The following MYH11 variants were observed in gnomAD, a reference collection of about 807,000 sequenced individuals.
MYH11 encodes myosin-11.
A neutral mutation model predicts 246.6 loss-of-function variants in MYH11; 80 were observed. The observed-to-expected ratio is 0.32, with a 90% confidence interval of 0.27 to 0.39. The LOEUF (loss-of-function observed/expected upper bound fraction) is 0.39. Ranked by LOEUF, MYH11 falls within the 10% of genes least tolerant of loss-of-function variation. MYH11 has a pLI of 1.00. For missense variants in MYH11, 2,158 were observed against 2,546.8 expected (o/e 0.85, Z 3.29); for synonymous variants, 1,071 against 1,015.5 (o/e 1.05, Z -1.04).
chr16:15,810,740 A>G (rs572686205), intron 3 of MYH11, among the ~76,000 whole-genome samples: 9 of 152,300 alleles, frequency 5.9e-5, no homozygotes, highest in African/African-American at 1.9e-4. Context: ...AATCGACAAA[A>G]ATCCAGACCT....
rs557222430 is a variant in MYH11 at position 15,795,386 on chromosome 16, C to T, written c.530+3274G>A. On this transcript the variant is annotated intron_variant, in intron 4 of 40. Transcript: ENST00000300036. ...CAGCACTTGGGAGGCCGAGGCTCCC[C>T]GGGTCACCTGAGGTCAGGAGTTCGA... Among the ~76,000 whole-genome samples, 24 of 152,060 alleles carry T rather than the reference C, an allele frequency of 1.6e-4. No individual in the cohort carries two copies. The South Asian group carries it at 3.1e-3, about 20-fold the overall frequency.
chr16:15,751,461 CCATCATCATCATCAT>C (rs377609666), intron 15 of MYH11, among the ~76,000 whole-genome samples: 6 of 150,234 alleles, frequency 4.0e-5, no homozygotes, highest in Admixed American at 6.6e-5. Flanking sequence ...CCGCGCCCGG[CCATCATCATCATCAT>C]CATCATCATC....
chr16:15,717,254 A>G lies in MYH11; in HGVS notation c.5390T>C (p.Leu1797Pro). ...RQQLERQNKE[L>P]RSKLHEMEGA... ...CTCCATCTCGTGGAGCTTGCTCCGG[A>G]GCTCCTTGTTCTGCCGCTCGAGCTG... is the stretch of plus-strand genomic sequence containing the variant. The change falls in exon 38 of 41, where the codon CTC becomes CCC. Residue 1797 changes from leucine (L) to proline (P), a missense_variant. Transcript: ENST00000300036. 2 of 1,614,062 alleles carry G rather than the reference A, an allele frequency of 1.2e-6. No individual in the cohort carries two copies. Among genetic ancestry groups the G allele is most frequent in the Non-Finnish European group, 1.7e-6 (2 of 1,180,042 alleles).
At chr16:15,720,097 G>C in intron 34 of MYH11, 54 bp downstream of exon 34, 2 of 1,612,188 alleles carry the variant, frequency 1.2e-6, no homozygotes, top group Non-Finnish European at 1.7e-6. Flanking sequence ...TCGGTGGCCT[G>C]AGGGGAACTG....
At chr16:15,741,430 T>C in intron 22 of MYH11, 33 bp downstream of exon 22, 1 of 1,601,306 alleles carries the variant, frequency 6.2e-7, no homozygotes, top group South Asian at 1.1e-5. Context: ...AGTGATTTGC[T>C]ACCCACCACG....
rs779195096 is a variant in MYH11 at position 15,747,589 on chromosome 16, G to A, written c.2392C>T (p.Arg798Cys). The A allele has an allele frequency of 1.4e-5, 23 of 1,613,962 alleles. No homozygotes were observed. Among genetic ancestry groups the A allele is most frequent in the Non-Finnish European group, 1.9e-5 (22 of 1,180,020 alleles). The change falls in exon 19 of 41, where the codon CGT becomes TGT. Residue 798 changes from arginine to cysteine, a missense_variant. This residue lies in a region of MYH11 where 90 missense variants were observed against 144.2 expected (regional missense o/e 0.62). Transcript: ENST00000300036. ...DVIMAFQAMC[R>C]GYLARKAFAK... ...CTTTACTTTCTGGCCAAGTAGCCAC[G>A]ACACATCGCCTGGAAGGCCATGATG...
intron 4 of MYH11, among the ~76,000 whole-genome samples, chr16:15,795,181 T>C (rs1408139423): frequency 1.3e-5 from 2 of 151,878 alleles, no homozygotes; most frequent in Non-Finnish European, 2.9e-5. Flanking sequence ...GATGGCATAA[T>C]ACTCGGGAAG....
chr16:15,811,526 G>A (rs902043972), intron 3 of MYH11, among the ~76,000 whole-genome samples: 1 of 152,084 alleles, frequency 6.6e-6, no homozygotes, highest in African/African-American at 2.4e-5. Flanking sequence ...GCTAGTGAGG[G>A]CCGAGCAATG....
intron 4 of MYH11, chr16:15,790,955 C>CTTTTTTTTTTTTTTT (rs770852667): frequency 5.9e-5 from 7 of 118,230 alleles, no homozygotes; most frequent in Admixed American, 1.9e-4. Flanking sequence ...TTTTTCTTTT[C>CTTTTTTTTTTTTTTT]TTTTTTTTTT....
chr16:15,721,665 G>A (rs2040492548), intron 31 of MYH11, 31 bp from the exon 32 acceptor site: 1 of 1,610,612 alleles, frequency 6.2e-7, no homozygotes, highest in African/African-American at 1.3e-5. Flanking sequence ...GTGACTTCTA[G>A]GCATATCCGG....
At chr16:15,736,520 C>A (rs570352534) in intron 25 of MYH11, among the ~76,000 whole-genome samples, 2 of 152,242 alleles carry the variant, frequency 1.3e-5, no homozygotes, top group Non-Finnish European at 2.9e-5. Flanking sequence ...CTCAAGCAAT[C>A]CCCCCACCTC....
chr16:15,798,969 G>C (rs762632761), intron 3 of MYH11, among the ~76,000 whole-genome samples: 2 of 152,140 alleles, frequency 1.3e-5, no homozygotes, highest in African/African-American at 4.8e-5. Context: ...GAGGTGTCCC[G>C]GGAGGCCCAC....
chr16:15,785,145 G>T, intron 5 of MYH11: 1 of 157,424 alleles, frequency 6.4e-6, no homozygotes, highest in Admixed American at 6.6e-5. Flanking sequence ...CCCATGCTCA[G>T]CCATTCCCTC....
chr16:15,782,330 G>A, intron 6 of MYH11, 55 bp downstream of exon 6: 1 of 1,482,764 alleles, frequency 6.7e-7, no homozygotes, highest in Non-Finnish European at 9.4e-7. Flanking sequence ...TGCAGCCCCA[G>A]GCAGGAGATG....
chr16:15,821,551 C>G (rs2043410837), intron 3 of MYH11, among the ~76,000 whole-genome samples: 1 of 152,090 alleles, frequency 6.6e-6, no homozygotes, highest in East Asian at 1.9e-4. Context: ...CCCTCCTTCT[C>G]CTTTGCTAAC....
intron 1 of MYH11, among the ~76,000 whole-genome samples, chr16:15,849,650 CT>C (rs1194046647): frequency 1.3e-5 from 2 of 152,102 alleles, no homozygotes; most frequent in African/African-American, 4.8e-5. Context: ...AGGGGTCTCA[CT>C]TTGTGGCCCA....
chr16:15,837,891 C>T lies in MYH11; in HGVS notation c.345+17G>A, dbSNP rs778067610. On this transcript the variant is annotated intron_variant, in intron 2 of 40. Coordinates refer to ENST00000300036, the MANE Select transcript of MYH11 (RefSeq NM_002474.3). ...TATGAGGCCAGGAGTAGGTACCTGG[C>T]TGCCTGCAATACTCACATATATTAG... 6.2e-7 allele frequency: 1 copy of T among 1,608,664 alleles called. No homozygotes were observed.
chr16:15,829,874 C>A (rs1312111655), intron 2 of MYH11, among the ~76,000 whole-genome samples: 1 of 152,192 alleles, frequency 6.6e-6, no homozygotes, highest in East Asian at 1.9e-4. Context: ...GTGGCTCACA[C>A]CTGTAATCCC....
chr16:15,721,391 T>C (rs1398152073), intron 32 of MYH11, 31 bp downstream of exon 32: 3 of 1,611,086 alleles, frequency 1.9e-6, no homozygotes, highest in East Asian at 2.2e-5. Context: ...AGGCGAAACA[T>C]GGACGAGAAA....
Sources: allele counts gnomAD v4.1 joint callset (sites outside exome capture counted in the v4.1 genomes callset), GRCh38; gene constraint gnomAD v4.1.1; regional missense constraint gnomAD v4.1.1; transcripts MANE v1.5; gene names NCBI Gene and HGNC (gene_info 2026-07-23, HGNC 2026-07-21).